TMEM38A: variants seen among roughly 807,000 people sequenced by gnomAD.
TMEM38A encodes the protein trimeric intracellular cation channel type A.
In TMEM38A, 17 loss-of-function variants were observed where a neutral mutation model predicts 28.6. That is an observed-to-expected ratio of 0.60 (90% CI 0.41 to 0.89). The LOEUF (loss-of-function observed/expected upper bound fraction) is 0.89. TMEM38A is among the 40% of genes least tolerant of loss of function. The pLI, the probability that TMEM38A is intolerant of heterozygous loss-of-function variation, is 0.00. For missense variants in TMEM38A, 328 were observed against 393.1 expected, an observed-to-expected ratio of 0.83 and a Z score of 1.40; for synonymous variants, 169 against 166.1, an observed-to-expected ratio of 1.02 and a Z score of -0.14.
In TMEM38A at chr19:16,661,745, G is replaced by T. The variant is rs904440680; in HGVS notation, c.124+404G>T. On this transcript the variant is annotated intron_variant, in intron 1 of 5. Transcript: ENST00000187762. The surrounding 1 kb of genome is among the most constrained non-coding windows in gnomAD (Gnocchi z 6.5). ...CCTCCCTCCTTGACCTTGGCACGCG[G>T]ATTGAGAGCGCCAGCGGAGTGTCTA... Among the ~76,000 whole-genome samples, 2 of 139,756 alleles carry T rather than the reference G, an allele frequency of 1.4e-5. No homozygotes were observed. Among genetic ancestry groups the T allele is most frequent in the Admixed American group, 6.8e-5 (1 of 14,606 alleles). The allele number at this position is 139,756 out of a possible 152,430, so 91.7% of individuals were successfully genotyped here. A position where few individuals can be genotyped will look rare whatever the true frequency, so the allele number is the denominator to read the frequency against.
chr19:16,661,425 C>T lies in TMEM38A; in HGVS notation c.124+84C>T. On this transcript the variant is annotated intron_variant, in intron 1 of 5. Coordinates refer to ENST00000187762, the MANE Select transcript of TMEM38A (RefSeq NM_024074.4). The surrounding 1 kb of genome is among the most constrained non-coding windows in gnomAD (Gnocchi z 6.5). The stretch of plus-strand genomic sequence containing the variant: ...TCGGGGGTCGCAGAGAGGGGAAGCC[C>T]GTGCGTGGTGGAGGGAGCGAGGGAC... The T allele has an allele frequency of 8.1e-7, 1 of 1,234,944 alleles. No homozygotes were observed. Among genetic ancestry groups the T allele is most frequent in the Non-Finnish European group, 1.1e-6 (1 of 915,834 alleles). 76.5% of individuals were successfully genotyped at this position (1,234,944 alleles called of 1,614,324 possible). A position where few individuals can be genotyped will look rare whatever the true frequency, so the allele number is the denominator to read the frequency against.
chr19:16,687,821 C>T (rs1475258509), intron 5 of TMEM38A, among the ~76,000 whole-genome samples: 1 of 152,192 alleles, frequency 6.6e-6, no homozygotes, highest in Non-Finnish European at 1.5e-5. Flanking sequence ...TGGGAGGACA[C>T]AGACCTTCAG....
intron 5 of TMEM38A, 68 bp downstream of exon 5, chr19:16,686,473 G>A (rs1295339405): frequency 2.3e-5 from 31 of 1,362,676 alleles, no homozygotes; most frequent in Non-Finnish European, 3.2e-5. Flanking sequence ...CAGGTTGGGA[G>A]TGGGGAAATT....
In TMEM38A at chr19:16,673,498, C is replaced by T. The variant is rs538310421; in HGVS notation, c.125-6486C>T. Reference sequence around the variant, plus strand: ...TGTATCAGTGAAACATCTTCCTTCTCTAAGTCTTTGTTTATGGTGCTTGTT... The same window carrying T: ...TGTATCAGTGAAACATCTTCCTTCTTTAAGTCTTTGTTTATGGTGCTTGTT... On this transcript the variant is annotated intron_variant, in intron 1 of 5. Transcript: ENST00000187762. Among the ~76,000 whole-genome samples, 7 of 152,322 alleles carry T rather than the reference C, an allele frequency of 4.6e-5. No homozygotes were observed. In the South Asian group the frequency reaches 1.4e-3, roughly 32 times the overall value.
At chr19:16,672,419 C>T (rs2086731416) in intron 1 of TMEM38A, among the ~76,000 whole-genome samples, 1 of 140,406 alleles carries the variant, frequency 7.1e-6, no homozygotes. Flanking sequence ...AGCTGATGAG[C>T]TTAAAAAAAA....
chr19:16,671,200 G>GTTTTTTTT (rs1568313636), intron 1 of TMEM38A, among the ~76,000 whole-genome samples: 5 of 112,904 alleles, frequency 4.4e-5, no homozygotes, highest in African/African-American at 2.6e-4. Context: ...AAGGACCTGG[G>GTTTTTTTT]CTTTTTTTTT....
rs1157420729 is a variant in TMEM38A at position 16,675,571 on chromosome 19, CAG to C, written c.125-4410_125-4409del. Among the ~76,000 whole-genome samples the C allele has an allele frequency of 2.1e-4, 25 of 117,646 alleles. No homozygotes were observed. The South Asian group carries it at 6.5e-3, about 30-fold the overall frequency. 77.2% of individuals were successfully genotyped at this position (117,646 alleles called of 152,430 possible). ...TTTTTTTTTTTTTTTTTTTTAGAGA[CAG>C]AGTCTCACTCTGTCGCCCAGGCTGG... On this transcript the variant is annotated intron_variant, in intron 1 of 5. Coordinates refer to ENST00000187762, the MANE Select transcript of TMEM38A (RefSeq NM_024074.4).
chr19:16,682,315 T>C (rs1486735071), intron 3 of TMEM38A, 106 bp from the exon 4 acceptor site: 1 of 877,010 alleles, frequency 1.1e-6, no homozygotes, highest in East Asian at 2.5e-5. Context: ...TCAGTGTCCT[T>C]CTAGAGAAGA....
chr19:16,662,349 T>C (rs185031334), intron 1 of TMEM38A, among the ~76,000 whole-genome samples: 2 of 151,776 alleles, frequency 1.3e-5, no homozygotes, highest in East Asian at 1.9e-4. Context: ...AAAAAGAGAA[T>C]TACTGTCAAC....
chr19:16,678,766 C>CAA (rs61142232), intron 1 of TMEM38A, among the ~76,000 whole-genome samples: 57 of 48,518 alleles, frequency 1.2e-3, no homozygotes, highest in South Asian at 3.8e-3. Context: ...ACCCTGTGTC[C>CAA]AAAAAAAAAA....
At chr19:16,686,208 G>A (rs1023958029) in intron 4 of TMEM38A, 80 bp from the exon 5 acceptor site, 3 of 993,292 alleles carry the variant, frequency 3.0e-6, no homozygotes, top group African/African-American at 1.6e-5. Flanking sequence ...CTGGTGCCAG[G>A]GCAGGGGGGT....
intron 1 of TMEM38A, among the ~76,000 whole-genome samples, chr19:16,675,642 G>C (rs2086747530): frequency 1.3e-5 from 2 of 150,456 alleles, no homozygotes; most frequent in Admixed American, 6.7e-5. Context: ...TCTGCCTCCC[G>C]GGTTGAAGCG....
At chr19:16,683,500 A>G (rs868445839) in intron 4 of TMEM38A, among the ~76,000 whole-genome samples, 70 of 149,614 alleles carry the variant, frequency 4.7e-4, no homozygotes, top group African/African-American at 1.6e-3. Flanking sequence ...GGCTGAGGCA[A>G]GAGGATTACT....
intron 1 of TMEM38A, among the ~76,000 whole-genome samples, chr19:16,663,775 A>G (rs2086692375): frequency 6.6e-6 from 1 of 150,924 alleles, no homozygotes; most frequent in Admixed American, 6.6e-5. Flanking sequence ...TGACCTTGTG[A>G]TCCGCCTGCC....
At position 16,686,309 on chromosome 19, in the gene TMEM38A, T is replaced by C; in HGVS notation, c.576T>C (p.Tyr192=). The stretch of plus-strand genomic sequence containing the variant: ...CCAGCCCCACCAAGGCCAGCCTGTA[T>C]GGAGCCATCCTCTTCACCCTCCAGC... ...HMSFPTKASL[Y]GAILFTLQQT... is the part of the protein sequence containing the mutation. The change falls in exon 5 of 6, where the codon TAT becomes TAC. Residue 192 remains tyrosine, a synonymous_variant. Transcript: ENST00000187762. 1 of 1,612,808 alleles carries C rather than the reference T, an allele frequency of 6.2e-7. No homozygotes were observed. The highest frequency in any genetic ancestry group is 8.5e-7 in the Non-Finnish European group (1 of 1,179,948).
rs891789847 is a variant in TMEM38A, at chr19:16,688,446, A to G, written c.*75A>G. 23 of 1,235,706 alleles carry G rather than the reference A, an allele frequency of 1.9e-5. No homozygotes were observed. In the South Asian group the frequency reaches 4.1e-4, roughly 22 times the overall value. The allele number at this position is 1,235,706 out of a possible 1,614,324, so 76.5% of individuals were successfully genotyped here. On this transcript the variant is annotated 3_prime_UTR_variant, in exon 6 of 6. Transcript: ENST00000187762. ...GAGCTGGGAGGCTTCCTGCGCTCAG[A>G]TCTATCCTTTCCTGGCCTTGACTTC...
chr19:16,680,213 G>T, intron 2 of TMEM38A, 73 bp downstream of exon 2: 1 of 1,569,370 alleles, frequency 6.4e-7, no homozygotes, highest in Non-Finnish European at 8.7e-7. Flanking sequence ...GGAGGAGAGA[G>T]GTTGGAGGAA....
chr19:16,668,338 C>A (rs1019008274), intron 1 of TMEM38A, among the ~76,000 whole-genome samples: 1 of 149,708 alleles, frequency 6.7e-6, no homozygotes, highest in Non-Finnish European at 1.5e-5. Flanking sequence ...TGAAGCCAGG[C>A]GTTGGAGACC....
In TMEM38A at chr19:16,688,629, C is replaced by G. The variant is rs2086812345; in HGVS notation, c.*258C>G. ...CAGCTTTTGGAGGGGTTCACAGAAT[C>G]CTGGCAGCAGCTCCAGTCAAGAATG... On this transcript the variant is annotated 3_prime_UTR_variant, in exon 6 of 6. Coordinates refer to ENST00000187762, the MANE Select transcript of TMEM38A (RefSeq NM_024074.4). 2.9e-6 allele frequency: 1 copy of G among 346,798 alleles called. No individual in the cohort carries two copies. The highest frequency in any genetic ancestry group is 5.2e-6 in the Non-Finnish European group (1 of 192,978). The allele number at this position is 346,798 out of a possible 1,614,324, so 21.5% of individuals were successfully genotyped here.
Sources: gnomAD v4.1 joint callset for allele counts (sites outside exome capture counted in the v4.1 genomes callset) on GRCh38, gnomAD v4.1.1 for gene constraint, Gnocchi (gnomAD v3.1) non-coding constraint, MANE v1.5 for transcripts, NCBI Gene and HGNC (gene_info 2026-07-23, HGNC 2026-07-21) for gene names.